Variants in UNC50 observed in about 807,000 individuals in gnomAD.
UNC50 encodes the protein protein unc-50 homolog.
In UNC50, 24 loss-of-function variants were observed where a neutral mutation model predicts 31.5. That is an observed-to-expected ratio of 0.76 (90% CI 0.55 to 1.07). UNC50 has a LOEUF of 1.07. Ranked by LOEUF, UNC50 falls within the 50% of genes least tolerant of loss-of-function variation. UNC50 has a pLI of 0.00. For missense variants in UNC50, 245 were observed against 304.2 expected, an observed-to-expected ratio of 0.81 and a Z score of 1.45; for synonymous variants, 118 against 114.7, an observed-to-expected ratio of 1.03 and a Z score of -0.18.
Position 98,610,830 on chromosome 2 carries a change from G to T in UNC50, c.336G>T (p.Lys112Asn). 6.2e-7 allele frequency: 1 copy of T among 1,614,148 alleles called. No individual in the cohort carries two copies. Among genetic ancestry groups the T allele is most frequent in the South Asian group, 1.1e-5 (1 of 91,078 alleles). Residue 112 changes from lysine (K) to asparagine (N), a missense_variant, in exon 3 of 6, where the codon AAG (lysine) becomes AAT (asparagine). Lys to Asn is a moderately conservative substitution (Grantham distance 94). Transcript: ENST00000357765. ...ACATGGGATTCTTTGAGACAATAAA[G>T]CTTCTCCTTTGGGTTGTACTCATAG... is the stretch of plus-strand genomic sequence containing the variant. ...VLDMGFFETI[K>N]LLLWVVLIDC... is the part of the protein sequence containing the mutation.
intron 3 of UNC50, among the ~76,000 whole-genome samples, chr2:98,611,387 C>G (rs1381883192): frequency 1.3e-5 from 2 of 152,162 alleles, no homozygotes; most frequent in Admixed American, 6.5e-5. Context: ...TCTTTTGAGT[C>G]TTTGATCTGC....
intron 2 of UNC50, among the ~76,000 whole-genome samples, chr2:98,610,346 T>G (rs1204717160): frequency 1.3e-5 from 2 of 152,138 alleles, no homozygotes; most frequent in East Asian, 3.8e-4. Flanking sequence ...AAACTGGAAA[T>G]TGCATTTCAC....
At chr2:98,610,447 C>T (rs958480208) in intron 2 of UNC50, among the ~76,000 whole-genome samples, 4 of 152,112 alleles carry the variant, frequency 2.6e-5, no homozygotes, top group Non-Finnish European at 5.9e-5. Flanking sequence ...TCTCATTTAC[C>T]TGTAGGGTGT....
chr2:98,614,395 G>A (rs1700887350), intron 3 of UNC50, among the ~76,000 whole-genome samples: 2 of 152,190 alleles, frequency 1.3e-5, no homozygotes, highest in African/African-American at 4.8e-5. Flanking sequence ...AGATGACTGA[G>A]GAAGCAGCAG....
At position 98,616,422 on chromosome 2, in the gene UNC50, C is replaced by T; in HGVS notation, c.542-10C>T. Reference sequence around the variant, plus strand: ...GTAAAGGGACTCATGGTCTGCGTCTCTTCTGGCAGATGTTATCCTGACAGA... The same window carrying T: ...GTAAAGGGACTCATGGTCTGCGTCTTTTCTGGCAGATGTTATCCTGACAGA... On this transcript the variant is annotated splice_polypyrimidine_tract_variant and intron_variant, in intron 4 of 5. Coordinates refer to ENST00000357765, the MANE Select transcript of UNC50 (RefSeq NM_014044.7). The T allele has an allele frequency of 1.2e-6, 2 of 1,613,988 alleles. No homozygotes were observed. Among genetic ancestry groups the T allele is most frequent in the Non-Finnish European group, 1.7e-6 (2 of 1,179,914 alleles).
In UNC50 at chr2:98,610,870, G is replaced by A; in HGVS notation, c.376G>A (p.Gly126Ser). 6.2e-7 allele frequency: 1 copy of A among 1,613,950 alleles called. No individual in the cohort carries two copies. Among genetic ancestry groups the A allele is most frequent in the Non-Finnish European group, 8.5e-7 (1 of 1,179,924 alleles). ...WVVLIDCVGV[G>S]LLIATLMWFI... The stretch of plus-strand genomic sequence containing the variant: ...TGTACTCATAGATTGTGTAGGCGTT[G>A]GTCTTCTGATAGCAACTTTAATGTG... Residue 126 changes from glycine (G) to serine (S), a missense_variant, in exon 3 of 6, where the codon GGT becomes AGT. Transcript: ENST00000357765.
chr2:98,611,120 A>G (rs1040101007), intron 3 of UNC50, among the ~76,000 whole-genome samples: 2 of 152,240 alleles, frequency 1.3e-5, no homozygotes, highest in Non-Finnish European at 1.5e-5. Flanking sequence ...AATAATTGAA[A>G]TAATTATGTT....
At position 98,616,346 on chromosome 2, in the gene UNC50, C is replaced by T. The variant is rs755896269; in HGVS notation, c.541C>T (p.His181Tyr). 5.0e-6 allele frequency: 8 copies of T among 1,613,760 alleles called. No homozygotes were observed. Among genetic ancestry groups the T allele is most frequent in the Admixed American group, 3.3e-5 (2 of 59,982 alleles). Residue 181 changes from histidine to tyrosine, a missense_variant and splice_region_variant, in exon 4 of 6, where the codon CAT (histidine) becomes TAT (tyrosine). Physicochemically the swap from His to Tyr is moderately conservative, Grantham distance 83. Coordinates refer to ENST00000357765, the MANE Select transcript of UNC50 (RefSeq NM_014044.7). ...TTTTATCCAGCTTTTTTTCATCAAC[C>T]GTAAGTAGCAGTTAATTAGAGTATT... Reference protein sequence around the residue: ...LHFIQLFFINHVILTDTFIGY... With the variant: ...LHFIQLFFINYVILTDTFIGY...
At position 98,613,066 on chromosome 2, in the gene UNC50, G is replaced by C. The variant is rs372442921; in HGVS notation, c.401+2171G>C. Among the ~76,000 whole-genome samples the C allele has an allele frequency of 1.2e-4, 18 of 152,332 alleles. No homozygotes were observed. The East Asian group carries it at 1.5e-3, about 13-fold the overall frequency. On this transcript the variant is annotated intron_variant, in intron 3 of 5. Coordinates refer to ENST00000357765, the MANE Select transcript of UNC50 (RefSeq NM_014044.7). Reference sequence around the variant, plus strand: ...TCTGTGAAGCGCAGTACAGTGCAGTGTGGTAAAATGACATATGCCTGTATT... The same window carrying C: ...TCTGTGAAGCGCAGTACAGTGCAGTCTGGTAAAATGACATATGCCTGTATT...
chr2:98,608,749 C>T (rs999888993), intron 1 of UNC50, 23 bp downstream of exon 1: 1 of 345,760 alleles, frequency 2.9e-6, no homozygotes, highest in Non-Finnish European at 5.4e-6. Flanking sequence ...GACCACTCTG[C>T]CCTCCCGCGG....
chr2:98,611,968 G>GC lies in UNC50; in HGVS notation c.401+1081dup, dbSNP rs1336436643. On this transcript the variant is annotated intron_variant, in intron 3 of 5. Transcript: ENST00000357765. ...TTTCTCTCATACACACACACCCTCC[G>GC]CCCCCCCCGCCCCCCCACCGCCACA... is the stretch of plus-strand genomic sequence containing the variant. Among the ~76,000 whole-genome samples, 786 of 100,096 alleles carry GC rather than the reference G, an allele frequency of 7.9e-3. 9 individuals carry two copies. Among genetic ancestry groups the GC allele is most frequent in the East Asian group, 0.05 (180 of 3,582 alleles). 65.7% of individuals were successfully genotyped at this position (100,096 alleles called of 152,430 possible). A position where few individuals can be genotyped will look rare whatever the true frequency, so the allele number is the denominator to read the frequency against.
intron 3 of UNC50, 73 bp from the exon 4 acceptor site, chr2:98,616,134 C>T (rs1700915816): frequency 6.9e-7 from 1 of 1,457,732 alleles, no homozygotes; most frequent in Non-Finnish European, 9.3e-7. Context: ...AGAATGTCTG[C>T]CGCATAGAAA....
Position 98,618,187 on chromosome 2 carries a change from T to G in UNC50, c.663T>G (p.Asn221Lys), listed in dbSNP as rs761399918. ...TTCCAGCATTGCCATTTTTGAAAAA[T>G]ACAGTAATTCTTCTGTATCCATTTG... ...LGYSALPFLKNTVILLYPFAP... is the reference protein window; with the variant it reads ...LGYSALPFLKKTVILLYPFAP... Residue 221 changes from asparagine to lysine, a missense_variant, in exon 6 of 6, where the codon AAT (asparagine) becomes AAG (lysine). Physicochemically the swap from Asn to Lys is moderately conservative, Grantham distance 94. Transcript: ENST00000357765. 3 of 1,585,954 alleles carry G rather than the reference T, an allele frequency of 1.9e-6. No individual in the cohort carries two copies. The South Asian group carries it at 3.5e-5, about 19-fold the overall frequency.
At chr2:98,609,671 C>T in intron 1 of UNC50, 85 bp from the exon 2 acceptor site, 1 of 1,588,948 alleles carries the variant, frequency 6.3e-7, no homozygotes, top group African/African-American at 1.3e-5. Flanking sequence ...AAGTGACCTC[C>T]CTGCCAAATA....
Position 98,609,699 on chromosome 2 carries a change from C to T in UNC50, c.-4-57C>T, listed in dbSNP as rs746013333. 8.7e-6 allele frequency: 14 copies of T among 1,608,292 alleles called. No homozygotes were observed. In the African/African-American group the frequency reaches 1.9e-4, roughly 22 times the overall value. ...GCCAAATAACTCAGAAGAGGAGTGT[C>T]GGTAGCCAAATGTTTCTTCAGAATA... On this transcript the variant is annotated intron_variant, in intron 1 of 5. Transcript: ENST00000357765.
At chr2:98,617,353 CACTT>C (rs1700943965) in intron 5 of UNC50, among the ~76,000 whole-genome samples, 1 of 152,174 alleles carries the variant, frequency 6.6e-6, no homozygotes, top group African/African-American at 2.4e-5. Flanking sequence ...TGTCAGGGAA[CACTT>C]AACCCCTTCA....
At chr2:98,610,708 G>A in intron 2 of UNC50, 67 bp from the exon 3 acceptor site, 3 of 1,571,580 alleles carry the variant, frequency 1.9e-6, no homozygotes, top group Non-Finnish European at 2.6e-6. Flanking sequence ...TGGAGGGCAA[G>A]GGATGTGTCC....
chr2:98,609,329 T>A, intron 1 of UNC50: 1 of 211,176 alleles, frequency 4.7e-6, no homozygotes, highest in African/African-American at 2.3e-5. Context: ...ATAGGCCATT[T>A]ATTTGACCTC....
intron 3 of UNC50, 59 bp from the exon 4 acceptor site, chr2:98,616,148 G>C (rs555939617): frequency 6.5e-7 from 1 of 1,534,616 alleles, no homozygotes; most frequent in Non-Finnish European, 8.9e-7. Context: ...ATAGAAAGTC[G>C]TCAGTAAACA....
Sources: gnomAD v4.1 joint callset for allele counts (sites outside exome capture counted in the v4.1 genomes callset) on GRCh38, gnomAD v4.1.1 for gene constraint, MANE v1.5 for transcripts, NCBI Gene and HGNC (gene_info 2026-07-23, HGNC 2026-07-21) for gene names.